Variants in TBC1D22B observed in about 807,000 individuals in gnomAD.
TBC1D22B encodes TBC1 domain family member 22B, also known as chromosome 6 open reading frame 197.
Under a neutral mutation model 69.1 loss-of-function variants are expected in TBC1D22B, and 32 were observed. That is an observed-to-expected ratio of 0.46 (90% CI 0.35 to 0.62). TBC1D22B has a LOEUF of 0.62. Among genes scored for constraint, TBC1D22B ranks in the 20% least tolerant of loss-of-function variants. TBC1D22B has a pLI of 0.00. For missense variants in TBC1D22B, 462 were observed against 630.9 expected, an observed-to-expected ratio of 0.73 and a Z score of 2.87; for synonymous variants, 206 against 229.8, an observed-to-expected ratio of 0.90 and a Z score of 0.94.
At chr6:37,268,964 T>C (rs371160) in intron 1 of TBC1D22B, among the ~76,000 whole-genome samples, 60 of 152,220 alleles carry the variant, frequency 3.9e-4, no homozygotes, top group Non-Finnish European at 7.1e-4. Flanking sequence ...TTGGGTTATT[T>C]CTAGTTTGGG....
At chr6:37,300,473 C>T (rs1767531576) in intron 8 of TBC1D22B, among the ~76,000 whole-genome samples, 1 of 152,106 alleles carries the variant, frequency 6.6e-6, no homozygotes, top group Non-Finnish European at 1.5e-5. Flanking sequence ...GCCATCCTCC[C>T]ACCTCAGCCT....
intron 8 of TBC1D22B, among the ~76,000 whole-genome samples, chr6:37,294,235 T>C (rs1312134164): frequency 1.3e-5 from 2 of 152,212 alleles, no homozygotes; most frequent in African/African-American, 4.8e-5. Context: ...GACAGTGGCA[T>C]GATCATAGCA....
rs1766764256 is a variant in TBC1D22B at position 37,279,607 on chromosome 6, C to G, written c.417C>G (p.Asn139Lys). ...KSSSDAQLSR[N>K]SSDTCLRNPL... ...GCAGTGATGCCCAGCTGTCCAGAAA[C>G]TCTAGTAAGTCCTTCCTGCTCCCTT... The change falls in exon 3 of 13, where the codon AAC becomes AAG. Residue 139 changes from asparagine to lysine, a missense_variant. By Grantham distance (94) the Asn-to-Lys change is moderately conservative (BLOSUM62 0). Coordinates refer to ENST00000373491, the MANE Select transcript of TBC1D22B (RefSeq NM_017772.4). 1.2e-6 allele frequency: 2 copies of G among 1,608,804 alleles called. No individual in the cohort carries two copies. Among genetic ancestry groups the G allele is most frequent in the African/African-American group, 1.3e-5 (1 of 74,812 alleles).
At chr6:37,264,010 CT>C (rs1396548097) in intron 1 of TBC1D22B, among the ~76,000 whole-genome samples, 28 of 149,148 alleles carry the variant, frequency 1.9e-4, no homozygotes, top group Non-Finnish European at 3.4e-4. Context: ...CAATTAAATG[CT>C]TTTTCACTTG....
intron 6 of TBC1D22B, among the ~76,000 whole-genome samples, chr6:37,286,083 A>G (rs946430952): frequency 1.3e-5 from 2 of 152,106 alleles, no homozygotes; most frequent in Non-Finnish European, 2.9e-5. Flanking sequence ...TGCTACATAC[A>G]TGCCAGCCCA....
At chr6:37,265,486 C>G (rs1050097063) in intron 1 of TBC1D22B, among the ~76,000 whole-genome samples, 2 of 150,540 alleles carry the variant, frequency 1.3e-5, no homozygotes, top group South Asian at 4.2e-4. Context: ...CAGGTGTACT[C>G]TTAGATTATT....
At chr6:37,295,986 A>G (rs536185607) in intron 8 of TBC1D22B, among the ~76,000 whole-genome samples, 37 of 152,352 alleles carry the variant, frequency 2.4e-4, no homozygotes, top group African/African-American at 8.2e-4. Flanking sequence ...GCCTTTAGCA[A>G]CCATCACCCT....
rs185497551 is a variant in TBC1D22B at position 37,309,125 on chromosome 6, C to G, written c.983-3793C>G. On this transcript the variant is annotated intron_variant, in intron 8 of 12. Coordinates refer to ENST00000373491, the MANE Select transcript of TBC1D22B (RefSeq NM_017772.4). ...ATTTAATCCATAAAATATCCTATGA[C>G]ACTAGTACTGATATTACCACTTTAA... 9.2e-5 allele frequency among the ~76,000 whole-genome samples: 14 copies of G among 152,286 alleles called. No homozygotes were observed. In the East Asian group the frequency reaches 2.7e-3, roughly 29 times the overall value.
intron 1 of TBC1D22B, among the ~76,000 whole-genome samples, chr6:37,258,814 G>A (rs542133438): frequency 6.6e-6 from 1 of 152,268 alleles, no homozygotes; most frequent in East Asian, 1.9e-4. Flanking sequence ...ATAAGGAAGA[G>A]TGTGTATTTC....
chr6:37,289,532 C>T (rs147445490), intron 7 of TBC1D22B, among the ~76,000 whole-genome samples: 152 of 152,310 alleles, frequency 1.0e-3, no homozygotes, highest in Admixed American at 1.8e-3. Context: ...TCACAGGTCT[C>T]CTGATTCTGA....
chr6:37,322,523 A>T (rs1209753978), intron 12 of TBC1D22B, among the ~76,000 whole-genome samples: 1 of 152,272 alleles, frequency 6.6e-6, no homozygotes, highest in African/African-American at 2.4e-5. Context: ...TCTCAAAAAA[A>T]GAAAAAGAAA....
At chr6:37,313,945 G>A in intron 10 of TBC1D22B, 54 bp downstream of exon 10, 2 of 1,546,526 alleles carry the variant, frequency 1.3e-6, no homozygotes, top group Non-Finnish European at 1.8e-6. Flanking sequence ...ATTCTGTTAT[G>A]AGGCGGTTGT....
intron 8 of TBC1D22B, among the ~76,000 whole-genome samples, chr6:37,305,300 T>G (rs2113771121): frequency 6.6e-6 from 1 of 152,280 alleles, no homozygotes; most frequent in African/African-American, 2.4e-5. Flanking sequence ...AATGTGAACT[T>G]CATATTAAAT....
At chr6:37,267,838 C>T (rs904292718) in intron 1 of TBC1D22B, among the ~76,000 whole-genome samples, 1 of 152,106 alleles carries the variant, frequency 6.6e-6, no homozygotes, top group African/African-American at 2.4e-5. Context: ...TAATGTTAAA[C>T]AGGTAGTGAC....
chr6:37,262,211 A>G (rs1210500261), intron 1 of TBC1D22B, among the ~76,000 whole-genome samples: 1 of 151,656 alleles, frequency 6.6e-6, no homozygotes, highest in African/African-American at 2.4e-5. Flanking sequence ...TTGTATTTTT[A>G]GTAGAGAAGG....
At chr6:37,287,904 T>C (rs567897332) in intron 7 of TBC1D22B, among the ~76,000 whole-genome samples, 1 of 152,330 alleles carries the variant, frequency 6.6e-6, no homozygotes, top group South Asian at 2.1e-4. Flanking sequence ...GTGGGAGTAG[T>C]AGTTATATTT....
chr6:37,271,030 C>T (rs897373141), intron 2 of TBC1D22B, among the ~76,000 whole-genome samples: 8 of 151,974 alleles, frequency 5.3e-5, no homozygotes, highest in Non-Finnish European at 1.2e-4. Flanking sequence ...ATGGTGGATA[C>T]TGCCAGGCGC....
chr6:37,311,619 G>A lies in TBC1D22B; in HGVS notation c.983-1299G>A, dbSNP rs139816745. Among the ~76,000 whole-genome samples, 1,224 of 152,164 alleles carry A rather than the reference G, an allele frequency of 8.0e-3. 14 individuals are homozygous for A. The highest frequency in any genetic ancestry group is 0.027 in the African/African-American group (1,100 of 41,496). On this transcript the variant is annotated intron_variant, in intron 8 of 12. Coordinates refer to ENST00000373491, the MANE Select transcript of TBC1D22B (RefSeq NM_017772.4). The stretch of plus-strand genomic sequence containing the variant: ...GCCTGGGAAGTCAAGGCTGCAGTGA[G>A]CCGAGATCGTGCCACTGCACTCCAG...
At chr6:37,286,755 T>C (rs111247933) in intron 6 of TBC1D22B, among the ~76,000 whole-genome samples, 4,832 of 149,902 alleles carry the variant, frequency 0.032, 237 homozygotes, top group African/African-American at 0.11. Flanking sequence ...ATCAGCCTGG[T>C]CAACATGGTG....
Sources: gnomAD v4.1 joint callset for allele counts (sites outside exome capture counted in the v4.1 genomes callset) on GRCh38, gnomAD v4.1.1 for gene constraint, MANE v1.5 for transcripts, NCBI Gene and HGNC (gene_info 2026-07-23, HGNC 2026-07-21) for gene names.